ZNF804B: variants seen among roughly 807,000 people sequenced by gnomAD.
The protein encoded by ZNF804B is zinc finger protein 804B.
A neutral mutation model predicts 101.4 loss-of-function variants in ZNF804B; 80 were observed. The ratio of observed to expected loss-of-function variants is 0.79; its 90% CI spans 0.66 to 0.95. The LOEUF (loss-of-function observed/expected upper bound fraction) is 0.95, where lower values mean the gene tolerates loss of function less well. ZNF804B is among the 40% of genes least tolerant of loss of function. The pLI, the probability that ZNF804B is intolerant of heterozygous loss-of-function variation, is 0.00. For synonymous variants in ZNF804B, 622 were observed against 558.8 expected (o/e 1.11, Z -1.59); for missense variants, 1,673 against 1,561.9 (o/e 1.07, Z -1.20).
intron 1 of ZNF804B, 63 bp downstream of exon 1, chr7:88,760,147 A>C: frequency 1.5e-6 from 2 of 1,335,760 alleles, no homozygotes; most frequent in Non-Finnish European, 2.2e-6. Context: ...ACAAAAAGAT[A>C]TTGAGAGATA....
intron 2 of ZNF804B, among the ~76,000 whole-genome samples, chr7:89,325,155 T>C (rs1790879369): frequency 6.6e-6 from 1 of 152,034 alleles, no homozygotes; most frequent in Non-Finnish European, 1.5e-5. Context: ...AGAGATGCAT[T>C]GTTCAGTACA....
At chr7:89,042,652 A>T (rs1789033881) in intron 1 of ZNF804B, among the ~76,000 whole-genome samples, 1 of 152,164 alleles carries the variant, frequency 6.6e-6, no homozygotes, top group Admixed American at 6.5e-5. Context: ...AGCTATCATA[A>T]TTTGGGACTA....
chr7:89,202,410 A>C (rs1562914351), intron 1 of ZNF804B, among the ~76,000 whole-genome samples: 1 of 152,046 alleles, frequency 6.6e-6, no homozygotes, highest in Non-Finnish European at 1.5e-5. Context: ...GCTTAGGGGG[A>C]TAAAGGAAAG....
At chr7:88,989,546 C>T (rs1176007177) in intron 1 of ZNF804B, among the ~76,000 whole-genome samples, 2 of 152,070 alleles carry the variant, frequency 1.3e-5, no homozygotes, top group South Asian at 2.1e-4. Context: ...CCTCAGAATG[C>T]TCAGGCTTAG....
chr7:88,793,869 C>G (rs1790424637), intron 1 of ZNF804B, among the ~76,000 whole-genome samples: 1 of 151,958 alleles, frequency 6.6e-6, no homozygotes, highest in African/African-American at 2.4e-5. Context: ...AATCTGAATT[C>G]CGTTTGTCTT....
At chr7:89,290,167 A>C (rs1286131988) in intron 2 of ZNF804B, among the ~76,000 whole-genome samples, 1 of 152,108 alleles carries the variant, frequency 6.6e-6, no homozygotes, top group African/African-American at 2.4e-5. Context: ...AGGATCTATC[A>C]CTTCCTAACT....
chr7:89,282,406 T>C (rs1346284177), intron 2 of ZNF804B, among the ~76,000 whole-genome samples: 1 of 152,012 alleles, frequency 6.6e-6, no homozygotes, highest in African/African-American at 2.4e-5. Flanking sequence ...GGACAGGTAA[T>C]TTAAAAACTT....
chr7:89,193,823 T>C (rs1470854433), intron 1 of ZNF804B, among the ~76,000 whole-genome samples: 1 of 151,874 alleles, frequency 6.6e-6, no homozygotes, highest in African/African-American at 2.4e-5. Flanking sequence ...TTTGGGTATA[T>C]GCCCAGTAAC....
intron 1 of ZNF804B, among the ~76,000 whole-genome samples, chr7:88,984,410 ACT>A (rs1237351030): frequency 2.0e-5 from 3 of 151,778 alleles, no homozygotes; most frequent in Non-Finnish European, 4.4e-5. Flanking sequence ...GTTTACTTAG[ACT>A]CTTGCCAACT....
chr7:88,767,782 T>C (rs1790006549), intron 1 of ZNF804B, among the ~76,000 whole-genome samples: 1 of 152,260 alleles, frequency 6.6e-6, no homozygotes, highest in Non-Finnish European at 1.5e-5. Flanking sequence ...GATTCTACTA[T>C]TGTCCACTTA....
intron 1 of ZNF804B, among the ~76,000 whole-genome samples, chr7:89,058,450 TTTGA>T (rs1239661321): frequency 3.9e-5 from 6 of 152,166 alleles, no homozygotes; most frequent in Non-Finnish European, 7.4e-5. Flanking sequence ...TTTCTACACC[TTTGA>T]TTATTATTTT....
At chr7:89,260,335 T>A (rs969561965) in intron 2 of ZNF804B, among the ~76,000 whole-genome samples, 5 of 150,658 alleles carry the variant, frequency 3.3e-5, no homozygotes, top group Admixed American at 3.3e-4. Context: ...CTAATAAATG[T>A]CCTTTGTGGC....
chr7:88,881,267 T>C (rs1278929492), intron 1 of ZNF804B, among the ~76,000 whole-genome samples: 1 of 152,122 alleles, frequency 6.6e-6, no homozygotes, highest in Non-Finnish European at 1.5e-5. Flanking sequence ...TTTTGGACAA[T>C]TGAAACCTAG....
chr7:89,169,107 T>C (rs1791188220), intron 1 of ZNF804B, among the ~76,000 whole-genome samples: 1 of 152,116 alleles, frequency 6.6e-6, no homozygotes, highest in South Asian at 2.1e-4. Context: ...TGCGAACCTT[T>C]AGCTGGATTG....
chr7:89,170,407 T>G (rs1449606334), intron 1 of ZNF804B, among the ~76,000 whole-genome samples: 2 of 152,198 alleles, frequency 1.3e-5, no homozygotes, highest in African/African-American at 4.8e-5. Context: ...ACAAACTGCT[T>G]CTAGACCTCC....
At chr7:88,920,482 A>G (rs185746081) in intron 1 of ZNF804B, among the ~76,000 whole-genome samples, 345 of 152,202 alleles carry the variant, frequency 2.3e-3, no homozygotes, top group Admixed American at 4.1e-3. Flanking sequence ...ATTTGGATTT[A>G]GAAAGCAGCT....
intron 2 of ZNF804B, among the ~76,000 whole-genome samples, chr7:89,275,701 C>A (rs1316298675): frequency 1.3e-5 from 2 of 151,960 alleles, no homozygotes; most frequent in Non-Finnish European, 2.9e-5. Flanking sequence ...TCACATTTCT[C>A]ATTTCCAACC....
At chr7:89,095,947 C>T (rs1049773897) in intron 1 of ZNF804B, among the ~76,000 whole-genome samples, 2 of 151,828 alleles carry the variant, frequency 1.3e-5, no homozygotes, top group Non-Finnish European at 2.9e-5. Flanking sequence ...GTCAGGAGAT[C>T]GAGACCATCT....
chr7:88,946,621 T>G (rs1793134270), intron 1 of ZNF804B, among the ~76,000 whole-genome samples: 1 of 151,426 alleles, frequency 6.6e-6, no homozygotes, highest in Non-Finnish European at 1.5e-5. Context: ...CCTCATAAAA[T>G]GAGTTAGGAA....
Sources: allele counts gnomAD v4.1 joint callset (sites outside exome capture counted in the v4.1 genomes callset), GRCh38; gene constraint gnomAD v4.1.1; transcripts MANE v1.5; gene names NCBI Gene and HGNC (gene_info 2026-07-23, HGNC 2026-07-21).